The following KCNMA1 variants were observed in gnomAD, a reference collection of about 807,000 sequenced individuals.
The protein encoded by KCNMA1 is potassium calcium-activated channel subfamily M alpha 1.
In KCNMA1, 29 loss-of-function variants were observed where a neutral mutation model predicts 140.0. The ratio of observed to expected loss-of-function variants is 0.21; its 90% CI spans 0.15 to 0.28. KCNMA1 has a LOEUF of 0.28. Among genes scored for constraint, KCNMA1 ranks in the 10% least tolerant of loss-of-function variants. The pLI is 1.00. For missense variants in KCNMA1, 880 were observed against 1,602.2 expected, an observed-to-expected ratio of 0.55 and a Z score of 7.70; for synonymous variants, 612 against 611.9, an observed-to-expected ratio of 1.00 and a Z score of 0.00.
chr10:77,520,040 TG>T (rs2052412496), intron 1 of KCNMA1, among the ~76,000 whole-genome samples: 1 of 15,162 alleles, frequency 6.6e-5, no homozygotes, highest in Non-Finnish European at 1.0e-4. Context: ...TGTGAGGGTG[TG>T]CAGTGTGAGG....
chr10:77,255,895 A>G (rs1365055298), intron 2 of KCNMA1, among the ~76,000 whole-genome samples: 1 of 142,702 alleles, frequency 7.0e-6, no homozygotes, highest in African/African-American at 2.7e-5. Context: ...CCTGGGCAAC[A>G]GAGTGAGACT....
intron 1 of KCNMA1, among the ~76,000 whole-genome samples, chr10:77,623,402 A>C (rs1464334925): frequency 1.3e-5 from 2 of 152,160 alleles, no homozygotes; most frequent in African/African-American, 2.4e-5. Context: ...TTTTGTAAGA[A>C]GTACTTGGAA....
intron 2 of KCNMA1, among the ~76,000 whole-genome samples, chr10:77,256,613 G>A (rs1408753342): frequency 6.6e-6 from 1 of 152,144 alleles, no homozygotes; most frequent in Admixed American, 6.5e-5. Context: ...ACTAGAAAAA[G>A]TACAGAGAGG....
At chr10:77,333,817 G>C (rs993281931) in intron 2 of KCNMA1, among the ~76,000 whole-genome samples, 3 of 152,196 alleles carry the variant, frequency 2.0e-5, no homozygotes, top group African/African-American at 4.8e-5. Flanking sequence ...CTTTAGAAAC[G>C]ATGTGAGTGT....
intron 1 of KCNMA1, among the ~76,000 whole-genome samples, chr10:77,611,454 C>T (rs1796342133): frequency 6.6e-6 from 1 of 152,198 alleles, no homozygotes; most frequent in South Asian, 2.1e-4. Flanking sequence ...CGGATCAAGG[C>T]TCATCTGAAG....
At position 77,284,090 on chromosome 10, in the gene KCNMA1, T is replaced by C. The variant is rs1200776175; in HGVS notation, c.541-32834A>G. Among the ~76,000 whole-genome samples the C allele has an allele frequency of 2.0e-5, 3 of 151,796 alleles. No homozygotes were observed. The East Asian group carries it at 5.8e-4, about 29-fold the overall frequency. On this transcript the variant is annotated intron_variant, in intron 2 of 27. Coordinates refer to ENST00000286628, the MANE Select transcript of KCNMA1 (RefSeq NM_001161352.2). The stretch of plus-strand genomic sequence containing the variant: ...AGAAAGACTATGGCGTGGTGAAAAA[T>C]TGGGCTAAAGACAATATGACCAGGG...
intron 5 of KCNMA1, among the ~76,000 whole-genome samples, chr10:77,157,667 G>C (rs1386974364): frequency 6.6e-6 from 1 of 152,148 alleles, no homozygotes; most frequent in African/African-American, 2.4e-5. Flanking sequence ...GGTTTTGGAA[G>C]TATTTCTGTG....
intron 15 of KCNMA1, 133 bp from the exon 16 acceptor site, chr10:77,028,024 C>A: frequency 1.2e-6 from 1 of 811,920 alleles, no homozygotes. Flanking sequence ...GGCACTGTGC[C>A]AAAGGGAGGG....
chr10:77,161,239 G>A (rs1016340088), intron 5 of KCNMA1, among the ~76,000 whole-genome samples: 1 of 152,166 alleles, frequency 6.6e-6, no homozygotes. Flanking sequence ...GGACTCACTG[G>A]TATATCCTAG....
intron 5 of KCNMA1, among the ~76,000 whole-genome samples, chr10:77,121,316 C>T (rs1360821584): frequency 6.6e-6 from 1 of 152,138 alleles, no homozygotes; most frequent in Non-Finnish European, 1.5e-5. Flanking sequence ...GTTAATGAGA[C>T]TTTTCATTTG....
At position 77,345,023 on chromosome 10, in the gene KCNMA1, G is replaced by C. The variant is rs940565119; in HGVS notation, c.540+58839C>G. ...ACAAATGAAGAAATGGAGGCACAGA[G>C]AATAATTAAGTAACTTGCTCAAGGT... On this transcript the variant is annotated intron_variant, in intron 2 of 27. Coordinates refer to ENST00000286628, the MANE Select transcript of KCNMA1 (RefSeq NM_001161352.2). 2.6e-5 allele frequency among the ~76,000 whole-genome samples: 4 copies of C among 152,136 alleles called. No homozygotes were observed. The East Asian group carries it at 7.7e-4, about 29-fold the overall frequency.
chr10:77,126,792 A>G (rs2097751991), intron 5 of KCNMA1, among the ~76,000 whole-genome samples: 1 of 131,468 alleles, frequency 7.6e-6, no homozygotes, highest in African/African-American at 2.9e-5. Context: ...CCTTGCCTCA[A>G]TTTGGGATAC....
At chr10:77,112,765 A>G (rs2097356011) in intron 6 of KCNMA1, among the ~76,000 whole-genome samples, 1 of 152,150 alleles carries the variant, frequency 6.6e-6, no homozygotes, top group African/African-American at 2.4e-5. Flanking sequence ...ACATTTTACC[A>G]CGGGTGCTTT....
At chr10:77,287,652 AG>A (rs2071519805) in intron 2 of KCNMA1, among the ~76,000 whole-genome samples, 1 of 152,238 alleles carries the variant, frequency 6.6e-6, no homozygotes, top group Admixed American at 6.5e-5. Flanking sequence ...AGTTGGCATG[AG>A]GATCTCCTGC....
chr10:77,025,329 T>A, intron 16 of KCNMA1: 1 of 601,530 alleles, frequency 1.7e-6, no homozygotes, highest in Non-Finnish European at 2.9e-6. Context: ...GGAATGAGAT[T>A]ATATATACAT....
intron 23 of KCNMA1, among the ~76,000 whole-genome samples, chr10:76,941,337 C>T (rs953963070): frequency 2.6e-5 from 4 of 152,304 alleles, no homozygotes; most frequent in African/African-American, 7.2e-5. Flanking sequence ...GGCCAGTGGG[C>T]ACTCCAGTTA....
At chr10:76,940,822 G>A (rs1279481639) in intron 23 of KCNMA1, among the ~76,000 whole-genome samples, 1 of 151,386 alleles carries the variant, frequency 6.6e-6, no homozygotes, top group Non-Finnish European at 1.5e-5. Context: ...TTAGCCGGGT[G>A]TGGCAGCACG....
At chr10:77,066,749 T>G (rs2095968047) in intron 14 of KCNMA1, among the ~76,000 whole-genome samples, 1 of 152,186 alleles carries the variant, frequency 6.6e-6, no homozygotes, top group African/African-American at 2.4e-5. Context: ...TAGGGTGACA[T>G]TGTCCATGGG....
intron 2 of KCNMA1, among the ~76,000 whole-genome samples, chr10:77,315,090 C>A (rs1379119830): frequency 6.6e-6 from 1 of 152,132 alleles, no homozygotes; most frequent in Non-Finnish European, 1.5e-5. Flanking sequence ...ACTGATGGAC[C>A]ATGACCCACA....
Sources: allele counts gnomAD v4.1 joint callset (sites outside exome capture counted in the v4.1 genomes callset), GRCh38; gene constraint gnomAD v4.1.1; transcripts MANE v1.5; gene names NCBI Gene and HGNC (gene_info 2026-07-23, HGNC 2026-07-21).